The following STXBP5 variants were observed in gnomAD, a reference collection of about 807,000 sequenced individuals.
STXBP5 encodes the protein syntaxin-binding protein 5.
STXBP5 carries 50 observed loss-of-function variants against 152.4 expected under a neutral mutation model. The observed-to-expected ratio is 0.33, with a 90% CI of 0.26 to 0.42. The LOEUF (loss-of-function observed/expected upper bound fraction) is 0.42. STXBP5 is among the 10% of genes least tolerant of loss of function. The pLI is 1.00. For synonymous variants in STXBP5, 492 were observed against 494.7 expected (o/e 0.99, Z 0.07); for missense variants, 1,167 against 1,388.6 (o/e 0.84, Z 2.54).
intron 21 of STXBP5, among the ~76,000 whole-genome samples, chr6:147,348,796 T>C (rs1442336617): frequency 1.3e-5 from 2 of 152,196 alleles, no homozygotes; most frequent in African/African-American, 2.4e-5. Context: ...TTCATAAGTG[T>C]TCATATAAAT....
intron 8 of STXBP5, among the ~76,000 whole-genome samples, chr6:147,287,194 AT>A (rs11370591): frequency 0.044 from 3,292 of 75,062 alleles, 9 homozygotes; most frequent in Non-Finnish European, 0.062. Flanking sequence ...TTAATTGTAC[AT>A]TTTTTTTTTT....
At chr6:147,226,964 C>A (rs1489646122) in intron 2 of STXBP5, among the ~76,000 whole-genome samples, 1 of 152,094 alleles carries the variant, frequency 6.6e-6, no homozygotes, top group Non-Finnish European at 1.5e-5. Flanking sequence ...ATTTGTTTCC[C>A]CTTAATGTGC....
At position 147,363,354 on chromosome 6, in the gene STXBP5, AG is replaced by A; in HGVS notation, c.2567del (p.Gly856ValfsTer4). On this transcript the variant is annotated frameshift_variant, in exon 24 of 28. Coordinates refer to ENST00000321680, the MANE Select transcript of STXBP5 (RefSeq NM_001127715.4). LOFTEE classifies it high-confidence loss of function. ...TTTTAGGTACTATATTGAGGTTAAA[AG>A]GTGCAATCTTGAGAATGGCATTTCT... Reference protein sequence around the residue: ...SPSGTILRLKGAILRMAFLDT... With the variant: ...SPSGTILRLKXAILRMAFLDT... The A allele has an allele frequency of 6.3e-7, 1 of 1,599,708 alleles. No individual in the cohort carries two copies. The highest frequency in any genetic ancestry group is 8.5e-7 in the Non-Finnish European group (1 of 1,175,058).
intron 7 of STXBP5, among the ~76,000 whole-genome samples, chr6:147,277,020 TA>T (rs756967029): frequency 1.4e-4 from 22 of 152,116 alleles, no homozygotes; most frequent in South Asian, 8.3e-4. Flanking sequence ...TGACTTATGA[TA>T]TTTTTGACTT....
At chr6:147,327,748 T>C (rs1159826677) in intron 18 of STXBP5, among the ~76,000 whole-genome samples, 1 of 152,210 alleles carries the variant, frequency 6.6e-6, no homozygotes, top group African/African-American at 2.4e-5. Flanking sequence ...AGCCTGTTTT[T>C]CTTTTTAATA....
chr6:147,295,475 CAAA>C (rs1183047686), intron 9 of STXBP5, among the ~76,000 whole-genome samples: 1 of 152,088 alleles, frequency 6.6e-6, no homozygotes, highest in Admixed American at 6.6e-5. Context: ...ACAAAAGGAC[CAAA>C]AAGAACAGAC....
intron 4 of STXBP5, among the ~76,000 whole-genome samples, chr6:147,260,220 G>A (rs1018869396): frequency 2.6e-5 from 4 of 152,148 alleles, no homozygotes; most frequent in Admixed American, 6.5e-5. Flanking sequence ...GTAACCACAG[G>A]TACTGAGATG....
chr6:147,337,465 C>A (rs1783888020), intron 19 of STXBP5, among the ~76,000 whole-genome samples: 1 of 151,894 alleles, frequency 6.6e-6, no homozygotes, highest in Admixed American at 6.6e-5. Flanking sequence ...TTATAACAAT[C>A]AGTAGTAAGT....
At chr6:147,270,528 AT>A (rs549823582) in intron 7 of STXBP5, among the ~76,000 whole-genome samples, 3,455 of 150,536 alleles carry the variant, frequency 0.023, 128 homozygotes, top group African/African-American at 0.078. Flanking sequence ...ACCTGGTGAA[AT>A]TTTTTTTTTC....
chr6:147,323,136 A>G (rs1783023681), intron 16 of STXBP5, among the ~76,000 whole-genome samples: 1 of 151,948 alleles, frequency 6.6e-6, no homozygotes, highest in African/African-American at 2.4e-5. Flanking sequence ...TCAACCTCCA[A>G]TTCATTCAGT....
At chr6:147,365,460 T>C (rs559803686) in intron 25 of STXBP5, among the ~76,000 whole-genome samples, 1 of 152,326 alleles carries the variant, frequency 6.6e-6, no homozygotes, top group East Asian at 1.9e-4. Context: ...AAATCTAAAC[T>C]TCACACTTTT....
intron 8 of STXBP5, among the ~76,000 whole-genome samples, chr6:147,282,721 C>T (rs956160743): frequency 1.3e-5 from 2 of 152,124 alleles, no homozygotes; most frequent in East Asian, 3.9e-4. Context: ...TGGCATGGCT[C>T]AGATTCTTAC....
At chr6:147,234,401 A>G (rs528780172) in intron 2 of STXBP5, among the ~76,000 whole-genome samples, 1 of 151,882 alleles carries the variant, frequency 6.6e-6, no homozygotes, top group South Asian at 2.1e-4. Flanking sequence ...TTTACTCAGC[A>G]TACTTTATTA....
intron 18 of STXBP5, among the ~76,000 whole-genome samples, chr6:147,327,811 C>G (rs1242193130): frequency 7.9e-5 from 12 of 152,026 alleles, no homozygotes; most frequent in Admixed American, 7.9e-4. Flanking sequence ...AACTTTTCAG[C>G]TAAAATATAA....
intron 2 of STXBP5, among the ~76,000 whole-genome samples, chr6:147,227,574 G>A (rs1390246690): frequency 6.6e-6 from 1 of 151,760 alleles, no homozygotes; most frequent in African/African-American, 2.4e-5. Context: ...TGTTACCTTT[G>A]TAAATTTCAA....
chr6:147,324,968 C>G lies in STXBP5; in HGVS notation c.1812C>G (p.Asn604Lys). ...TTTTCTTTTATTTTAGAGTTAAAAACTCACCACTTAAACAGTCTCCAGGTT... is the reference window on the plus strand; with the variant it reads ...TTTTCTTTTATTTTAGAGTTAAAAAGTCACCACTTAAACAGTCTCCAGGTT... ...RDNVPCLKVK[N>K]SPLKQSPGYQ... The change falls in exon 17 of 28, where the codon AAC (asparagine) becomes AAG (lysine). Residue 604 changes from asparagine to lysine, a missense_variant. By Grantham distance (94) the Asn-to-Lys change is moderately conservative. Transcript: ENST00000321680. 6.5e-7 allele frequency: 1 copy of G among 1,536,692 alleles called. No homozygotes were observed. Among genetic ancestry groups the G allele is most frequent in the Non-Finnish European group, 8.8e-7 (1 of 1,136,164 alleles).
chr6:147,332,853 A>G (rs150236480), intron 18 of STXBP5, among the ~76,000 whole-genome samples: 2 of 152,302 alleles, frequency 1.3e-5, no homozygotes, highest in African/African-American at 4.8e-5. Flanking sequence ...TTTAAGAATG[A>G]TAACTATATC....
intron 9 of STXBP5, among the ~76,000 whole-genome samples, chr6:147,300,232 A>G (rs1162231759): frequency 1.3e-5 from 2 of 152,124 alleles, no homozygotes; most frequent in East Asian, 1.9e-4. Context: ...ACTAACCAAA[A>G]TGAGCCACAG....
intron 15 of STXBP5, 125 bp downstream of exon 15, chr6:147,315,860 ATAT>A: frequency 1.3e-6 from 1 of 756,260 alleles, no homozygotes; most frequent in Non-Finnish European, 2.2e-6. Flanking sequence ...CTTAGTATTT[ATAT>A]TATTATCTCT....
Sources: allele counts gnomAD v4.1 joint callset (sites outside exome capture counted in the v4.1 genomes callset), GRCh38; gene constraint gnomAD v4.1.1; transcripts MANE v1.5; gene names NCBI Gene and HGNC (gene_info 2026-07-23, HGNC 2026-07-21).